ARFRP1: variants seen among roughly 807,000 people sequenced by gnomAD.
ARFRP1 encodes ADP-ribosylation factor-related protein 1.
ARFRP1 carries 19 observed loss-of-function variants against 30.3 expected under a neutral mutation model. That is an observed-to-expected ratio of 0.63 (90% CI 0.44 to 0.92). The LOEUF (loss-of-function observed/expected upper bound fraction) is 0.92, where lower values mean the gene tolerates loss of function less well. Among genes scored for constraint, ARFRP1 ranks in the 40% least tolerant of loss-of-function variants. The pLI, the probability that ARFRP1 is intolerant of heterozygous loss-of-function variation, is 0.00. For missense variants in ARFRP1, 245 were observed against 267.5 expected, an observed-to-expected ratio of 0.92 and a Z score of 0.59; for synonymous variants, 133 against 114.2, an observed-to-expected ratio of 1.16 and a Z score of -1.05.
chr20:63,705,598 A>G (rs1473123180), intron 4 of ARFRP1: 4 of 519,054 alleles, frequency 7.7e-6, no homozygotes, highest in Admixed American at 2.0e-5. Context: ...TCTGGTGATC[A>G]TGGAAGAACA....
chr20:63,706,259 G>T, intron 4 of ARFRP1, 98 bp downstream of exon 4: 1 of 1,119,558 alleles, frequency 8.9e-7, no homozygotes, highest in Non-Finnish European at 1.3e-6. Flanking sequence ...GGGACAGAGT[G>T]GGTAAGGAAA....
chr20:63,701,156 C>A, intron 6 of ARFRP1: 1 of 465,054 alleles, frequency 2.2e-6, no homozygotes, highest in East Asian at 6.5e-5. Flanking sequence ...CCTCCCCTCC[C>A]CTTTTCCTCC....
intron 4 of ARFRP1, chr20:63,704,232 G>A (rs890020856): frequency 1.3e-5 from 2 of 152,256 alleles, no homozygotes; most frequent in Non-Finnish European, 2.9e-5. Context: ...GTGGGAGCAG[G>A]GGCCTCCCTT....
In ARFRP1 at chr20:63,706,275, T is replaced by C. The variant is rs145880130; in HGVS notation, c.264+82A>G. 9.7e-4 allele frequency: 1,286 copies of C among 1,324,224 alleles called. 14 individuals carry two copies. In the African/African-American group the frequency reaches 0.015, roughly 15 times the overall value. 82.0% of individuals were successfully genotyped at this position (1,324,224 alleles called of 1,614,324 possible). A position where few individuals can be genotyped will look rare whatever the true frequency, so the allele number is the denominator to read the frequency against. ...GGACAGAGTGGGTAAGGAAAACTGC[T>C]GAGGAAGGGCCCAAAGGGCACTCTG... On this transcript the variant is annotated intron_variant, in intron 4 of 7. Transcript: ENST00000622789.
chr20:63,702,357 G>C (rs2091257621), intron 4 of ARFRP1, 140 bp from the exon 5 acceptor site: 1 of 766,898 alleles, frequency 1.3e-6, no homozygotes, highest in African/African-American at 1.7e-5. Flanking sequence ...GACCCTTCTG[G>C]GATGCATTCT....
intron 1 of ARFRP1, chr20:63,707,604 TG>T (rs763497797): frequency 6.4e-4 from 98 of 153,528 alleles, no homozygotes; most frequent in Middle Eastern, 3.4e-3. Context: ...GGGACGGCCC[TG>T]GGGGGAGCGG....
At chr20:63,702,083 G>T in intron 5 of ARFRP1, 53 bp downstream of exon 5, 1 of 1,564,420 alleles carries the variant, frequency 6.4e-7, no homozygotes, top group South Asian at 1.1e-5. Context: ...GCCCAAGCTG[G>T]ACCTGCCCCC....
chr20:63,702,399 C>T, intron 4 of ARFRP1, 182 bp from the exon 5 acceptor site: 1 of 614,878 alleles, frequency 1.6e-6, no homozygotes, highest in East Asian at 2.8e-5. Context: ...GGAGGTGTCC[C>T]CAGACGCTGC....
rs80322094 is a variant in ARFRP1 at position 63,706,743 on chromosome 20, G to A, written c.94-5C>T. ...TTTCGACTGCTCCAGGAAGGTCTGAGGAGAGAGGCAGAGGCGAAACACATC... is the reference window on the plus strand; with the variant it reads ...TTTCGACTGCTCCAGGAAGGTCTGAAGAGAGAGGCAGAGGCGAAACACATC... On this transcript the variant is annotated splice_polypyrimidine_tract_variant and splice_region_variant and intron_variant, in intron 2 of 7. Coordinates refer to ENST00000622789, the MANE Select transcript of ARFRP1 (RefSeq NM_001267547.3). 1.2e-4 allele frequency: 186 copies of A among 1,608,112 alleles called. No individual in the cohort carries two copies. The East Asian group carries it at 3.8e-3, about 33-fold the overall frequency.
chr20:63,703,306 C>T (rs1189112022), intron 4 of ARFRP1: 2 of 152,284 alleles, frequency 1.3e-5, no homozygotes, highest in Non-Finnish European at 2.9e-5. Context: ...ACCAGACAAC[C>T]CCATCCCAGT....
rs2091117415 is a variant in ARFRP1 at position 63,700,012 on chromosome 20, GCAGAAGC to G, written c.*424_*430del. 2.0e-5 allele frequency: 5 copies of G among 255,760 alleles called. No homozygotes were observed. The highest frequency in any genetic ancestry group is 5.0e-5 in the Admixed American group (1 of 19,854). 15.8% of individuals were successfully genotyped at this position (255,760 alleles called of 1,614,324 possible). ...GGTCACGGGGTCACGGGGTCACAGG[GCAGAAGC>G]CAGATGGCAGCCATGGCTGACGGGC... is the stretch of plus-strand genomic sequence containing the variant. On this transcript the variant is annotated 3_prime_UTR_variant, in exon 8 of 8. Coordinates refer to ENST00000622789, the MANE Select transcript of ARFRP1 (RefSeq NM_001267547.3).
intron 5 of ARFRP1, 102 bp from the exon 6 acceptor site, chr20:63,702,002 C>CCCT: frequency 2.7e-6 from 1 of 377,302 alleles, no homozygotes; most frequent in Non-Finnish European, 4.0e-6. Flanking sequence ...CCCTCTGCCC[C>CCCT]CCCCCCCCCC....
In ARFRP1 at chr20:63,707,025, G is replaced by C. The variant is rs146966742; in HGVS notation, c.67C>G (p.Leu23Val). The C allele has an allele frequency of 1.1e-4, 179 of 1,613,916 alleles. No homozygotes were observed. The African/African-American group carries it at 1.2e-3, about 10-fold the overall frequency. Residue 23 changes from leucine to valine, a missense_variant, in exon 2 of 8, where the codon CTG becomes GTG. Physicochemically the swap from Leu to Val is conservative, Grantham distance 32 (BLOSUM62 1). Transcript: ENST00000622789. ...GTCTTCCCAGCATTGTCCAGGCCCA[G>C]GATCAGGATGCAGTACTCGTCCTTC... ...FQKDEYCILI[L>V]GLDNAGKTTF...
chr20:63,706,823 G>A (rs1601290248), intron 2 of ARFRP1, 85 bp from the exon 3 acceptor site: 1 of 1,321,092 alleles, frequency 7.6e-7, no homozygotes, highest in African/African-American at 1.5e-5. Flanking sequence ...TTCTTTAAAA[G>A]ACAGAAACAG....
chr20:63,702,011 C>T, intron 5 of ARFRP1, 111 bp from the exon 6 acceptor site: 3 of 1,016,158 alleles, frequency 3.0e-6, no homozygotes, highest in South Asian at 3.2e-5. Flanking sequence ...CCCCCCCCCC[C>T]CGTCACCCAC....
Position 63,700,422 on chromosome 20 carries a change from C to T in ARFRP1, c.*21G>A, listed in dbSNP as rs561415025. 17 of 1,605,514 alleles carry T rather than the reference C, an allele frequency of 1.1e-5. No homozygotes were observed. In the East Asian group the frequency reaches 3.6e-4, roughly 34 times the overall value. On this transcript the variant is annotated 3_prime_UTR_variant, in exon 8 of 8. Coordinates refer to ENST00000622789, the MANE Select transcript of ARFRP1 (RefSeq NM_001267547.3). ...CTCCAGCACCAGGGGACCAGCCGTC[C>T]CGACGGCAGCGCGGCTGCGCCTACG...
At chr20:63,702,585 A>C (rs2145553591) in intron 4 of ARFRP1, 2 of 280,862 alleles carry the variant, frequency 7.1e-6, no homozygotes, top group South Asian at 7.5e-5. Flanking sequence ...CTCCGTCTGT[A>C]CAAAAGCTTA....
chr20:63,700,205 G>A lies in ARFRP1; in HGVS notation c.*238C>T. The A allele has an allele frequency of 1.7e-6, 1 of 583,014 alleles. No individual in the cohort carries two copies. Among genetic ancestry groups the A allele is most frequent in the Middle Eastern group, 4.8e-4 (1 of 2,066 alleles). The allele number at this position is 583,014 out of a possible 1,614,324, so 36.1% of individuals were successfully genotyped here. ...CCTCGAAAGGCCGCCGCTGCGCCCT[G>A]TGGAAAGGCTGCCGCTGCAGGGCCT... On this transcript the variant is annotated 3_prime_UTR_variant, in exon 8 of 8. Coordinates refer to ENST00000622789, the MANE Select transcript of ARFRP1 (RefSeq NM_001267547.3).
Position 63,700,591 on chromosome 20 carries a change from C to G in ARFRP1, c.518+11G>C. On this transcript the variant is annotated intron_variant, in intron 7 of 7. Coordinates refer to ENST00000622789, the MANE Select transcript of ARFRP1 (RefSeq NM_001267547.3). ...GTCCCCAAAGCCCCCGCAGGTGCAG[C>G]CCCCACTCACCCTGTGAGGGCCGAG... 2 of 1,610,390 alleles carry G rather than the reference C, an allele frequency of 1.2e-6. No individual in the cohort carries two copies. Among genetic ancestry groups the G allele is most frequent in the Non-Finnish European group, 1.7e-6 (2 of 1,179,866 alleles).
Sources: allele counts gnomAD v4.1 joint callset, GRCh38; gene constraint gnomAD v4.1.1; transcripts MANE v1.5; gene names NCBI Gene and HGNC (gene_info 2026-07-23, HGNC 2026-07-21).